The following CDH18 variants were observed in gnomAD, a reference collection of about 807,000 sequenced individuals.
CDH18 encodes the protein cadherin-18.
CDH18 carries 31 observed loss-of-function variants against 67.9 expected under a neutral mutation model. That is an observed-to-expected ratio of 0.46 (90% confidence interval 0.34 to 0.62). The LOEUF (loss-of-function observed/expected upper bound fraction) is 0.62. Among genes scored for constraint, CDH18 ranks in the 20% least tolerant of loss-of-function variants. The probability of loss-of-function intolerance (pLI) is 0.01; values close to 1 mark genes in which losing one functional copy is unlikely to be tolerated. For synonymous variants in CDH18, 362 were observed against 347.2 expected (o/e 1.04, Z -0.48); for missense variants, 890 against 975.5 (o/e 0.91, Z 1.17).
In CDH18 at chr5:19,732,439, G is replaced by A. The variant is rs182239018; in HGVS notation, c.524-10973C>T. 1.9e-4 allele frequency among the ~76,000 whole-genome samples: 29 copies of A among 152,190 alleles called. 1 individual carries two copies. In the East Asian group the frequency reaches 4.3e-3, roughly 22 times the overall value. On this transcript the variant is annotated intron_variant, in intron 4 of 12. Coordinates refer to ENST00000382275, the MANE Select transcript of CDH18 (RefSeq NM_004934.5). Reference sequence around the variant, plus strand: ...TGCACTCCAGTCCACATGACAGAGTGAGAGCAGCGGGCTATGATTATGCCA... The same window carrying A: ...TGCACTCCAGTCCACATGACAGAGTAAGAGCAGCGGGCTATGATTATGCCA...
At chr5:19,659,799 C>T (rs558325116) in intron 5 of CDH18, among the ~76,000 whole-genome samples, 10 of 152,134 alleles carry the variant, frequency 6.6e-5, no homozygotes, top group Non-Finnish European at 1.5e-4. Flanking sequence ...TCACCTGCTG[C>T]CACCTTGATC....
At chr5:19,621,403 T>C (rs916571772) in intron 5 of CDH18, among the ~76,000 whole-genome samples, 26 of 152,218 alleles carry the variant, frequency 1.7e-4, no homozygotes, top group African/African-American at 5.8e-4. Context: ...TATCTCCTTG[T>C]GGTTTGGATT....
intron 2 of CDH18, among the ~76,000 whole-genome samples, chr5:20,168,951 A>G (rs1263611202): frequency 1.3e-5 from 2 of 152,170 alleles, no homozygotes; most frequent in Non-Finnish European, 2.9e-5. Flanking sequence ...GAACATAGAT[A>G]GCAGAAGGAT....
At chr5:20,049,063 C>T (rs529379323) in intron 2 of CDH18, among the ~76,000 whole-genome samples, 9 of 151,612 alleles carry the variant, frequency 5.9e-5, no homozygotes, top group South Asian at 2.1e-4. Flanking sequence ...ATTTTTTTAT[C>T]GTAGCTGTAG....
intron 2 of CDH18, among the ~76,000 whole-genome samples, chr5:20,128,504 T>C (rs1024097589): frequency 6.6e-6 from 1 of 152,080 alleles, no homozygotes; most frequent in Non-Finnish European, 1.5e-5. Context: ...CATGTTTCCT[T>C]GGCATAAATC....
At chr5:19,914,776 A>G (rs1024710093) in intron 2 of CDH18, among the ~76,000 whole-genome samples, 4 of 152,122 alleles carry the variant, frequency 2.6e-5, no homozygotes, top group African/African-American at 7.2e-5. Context: ...ACCAAAGGAA[A>G]CAAAATGAAA....
At chr5:19,601,431 T>C (rs78144258) in intron 6 of CDH18, among the ~76,000 whole-genome samples, 2,341 of 152,150 alleles carry the variant, frequency 0.015, 62 homozygotes, top group African/African-American at 0.054. Context: ...TGAATAGACA[T>C]ACTACTGATA....
chr5:20,551,828 G>C (rs1476249839), intron 1 of CDH18, among the ~76,000 whole-genome samples: 1 of 152,042 alleles, frequency 6.6e-6, no homozygotes, highest in South Asian at 2.1e-4. Context: ...CTGTAAGTCA[G>C]TGGAGTTAAA....
At chr5:20,284,139 T>C (rs1397855325) in intron 1 of CDH18, among the ~76,000 whole-genome samples, 4 of 151,958 alleles carry the variant, frequency 2.6e-5, no homozygotes, top group African/African-American at 9.6e-5. Flanking sequence ...GAAGAGGAGA[T>C]GGTTAATGAG....
At chr5:20,408,125 A>T (rs1746453796) in intron 1 of CDH18, among the ~76,000 whole-genome samples, 1 of 152,070 alleles carries the variant, frequency 6.6e-6, no homozygotes, top group South Asian at 2.1e-4. Context: ...GAAAGAAAAA[A>T]ACTACCAGCC....
intron 1 of CDH18, among the ~76,000 whole-genome samples, chr5:20,509,407 C>CA (rs1754875444): frequency 7.2e-6 from 1 of 139,338 alleles, no homozygotes; most frequent in African/African-American, 2.7e-5. Context: ...CAGGATTTCC[C>CA]TTTTTTTTTT....
In CDH18 at chr5:19,629,999, C is replaced by A. The variant is rs368061658; in HGVS notation, c.644-17398G>T. Reference sequence around the variant, plus strand: ...TCGTACAGGCTGGAGTGCAACAGTGCGATCTTGGCTCACTGCAACCTCCAC... The same window carrying A: ...TCGTACAGGCTGGAGTGCAACAGTGAGATCTTGGCTCACTGCAACCTCCAC... On this transcript the variant is annotated intron_variant, in intron 5 of 12. Transcript: ENST00000382275. Among the ~76,000 whole-genome samples the A allele has an allele frequency of 3.3e-5, 5 of 152,006 alleles. No homozygotes were observed. The South Asian group carries it at 6.2e-4, about 19-fold the overall frequency.
At chr5:20,083,820 A>G (rs899640738) in intron 2 of CDH18, among the ~76,000 whole-genome samples, 2 of 152,176 alleles carry the variant, frequency 1.3e-5, no homozygotes, top group Non-Finnish European at 2.9e-5. Context: ...TAAAACCATC[A>G]GATCTTATGA....
intron 3 of CDH18, among the ~76,000 whole-genome samples, chr5:19,825,128 A>G (rs529053572): frequency 9.2e-5 from 14 of 151,856 alleles, no homozygotes; most frequent in Non-Finnish European, 1.8e-4. Context: ...AGTGCCTGCT[A>G]GAGTTTCCAG....
chr5:20,177,585 G>A (rs1737336543), intron 2 of CDH18, among the ~76,000 whole-genome samples: 1 of 152,034 alleles, frequency 6.6e-6, no homozygotes, highest in Non-Finnish European at 1.5e-5. Context: ...TATTCTAGGT[G>A]TGTCTGTGAG....
At chr5:20,478,363 G>A (rs534143261) in intron 1 of CDH18, among the ~76,000 whole-genome samples, 54 of 152,308 alleles carry the variant, frequency 3.5e-4, no homozygotes, top group African/African-American at 1.2e-3. Context: ...TGGGCCAGAG[G>A]AATGTCTGCT....
chr5:19,812,274 C>T (rs572101275), intron 3 of CDH18, among the ~76,000 whole-genome samples: 1 of 151,942 alleles, frequency 6.6e-6, no homozygotes, highest in African/African-American at 2.4e-5. Flanking sequence ...CAGAGAGAAG[C>T]AAACAAAGTG....
chr5:19,901,269 T>G (rs189358342), intron 2 of CDH18, among the ~76,000 whole-genome samples: 170 of 152,210 alleles, frequency 1.1e-3, no homozygotes, highest in African/African-American at 3.8e-3. Flanking sequence ...ATTGATAATT[T>G]TAGTGAAGAA....
chr5:20,564,757 T>C (rs1758407678), intron 1 of CDH18, among the ~76,000 whole-genome samples: 1 of 152,172 alleles, frequency 6.6e-6, no homozygotes, highest in Non-Finnish European at 1.5e-5. Context: ...TCCATTTGGC[T>C]CTTTAACCCA....
Sources: allele counts gnomAD v4.1 joint callset (sites outside exome capture counted in the v4.1 genomes callset), GRCh38; gene constraint gnomAD v4.1.1; transcripts MANE v1.5; gene names NCBI Gene and HGNC (gene_info 2026-07-23, HGNC 2026-07-21).